Variants in SLIT2 observed in about 807,000 individuals in gnomAD.
SLIT2 encodes the protein slit guidance ligand 2.
A neutral mutation model predicts 185.7 loss-of-function variants in SLIT2; 41 were observed. The ratio of observed to expected loss-of-function variants is 0.22; its 90% CI spans 0.17 to 0.29. The LOEUF is 0.29. SLIT2 is among the 10% of genes least tolerant of loss of function. The probability of loss-of-function intolerance (pLI) is 1.00; values close to 1 mark genes in which losing one functional copy is unlikely to be tolerated. For missense variants in SLIT2, 1,571 were observed against 1,909.0 expected (o/e 0.82, Z 3.30); for synonymous variants, 693 against 680.2 (o/e 1.02, Z -0.29).
chr4:20,457,021 A>G (rs1420061909), intron 4 of SLIT2, among the ~76,000 whole-genome samples: 1 of 152,228 alleles, frequency 6.6e-6, no homozygotes, highest in Non-Finnish European at 1.5e-5. Flanking sequence ...TAATTTGCCA[A>G]AGTATTAGAT....
At chr4:20,274,742 G>GTT (rs35101905) in intron 4 of SLIT2, among the ~76,000 whole-genome samples, 5,873 of 144,672 alleles carry the variant, frequency 0.041, 166 homozygotes, top group Non-Finnish European at 0.063. Flanking sequence ...AAGTTTCTGT[G>GTT]TTTTTTTTTT....
At chr4:20,533,816 A>T in intron 18 of SLIT2, 101 bp downstream of exon 18, 1 of 933,456 alleles carries the variant, frequency 1.1e-6, no homozygotes, top group Non-Finnish European at 1.7e-6. Flanking sequence ...TACCCACCCC[A>T]CTCCCTCTAT....
chr4:20,610,121 G>C lies in SLIT2; in HGVS notation c.3801G>C (p.Leu1267Phe), dbSNP rs1256776420. 1.9e-6 allele frequency: 3 copies of C among 1,613,568 alleles called. No homozygotes were observed. Among genetic ancestry groups the C allele is most frequent in the Non-Finnish European group, 2.5e-6 (3 of 1,179,750 alleles). ...DGGNPKIITNLSKQSTLNFDS... is the reference protein window; with the variant it reads ...DGGNPKIITNFSKQSTLNFDS... ...GGAACCCCAAAATCATCACTAACTT[G>C]TCAAAGCAGTCCACTCTGAATTTTG... Residue 1267 changes from leucine to phenylalanine, a missense_variant, in exon 34 of 37, where the codon TTG (leucine) becomes TTC (phenylalanine). Transcript: ENST00000504154.
At chr4:20,569,708 T>C (rs1401411223) in intron 29 of SLIT2, among the ~76,000 whole-genome samples, 1 of 152,060 alleles carries the variant, frequency 6.6e-6, no homozygotes, top group Non-Finnish European at 1.5e-5. Context: ...TTTCCTTTAA[T>C]AAATTACTTA....
At chr4:20,266,666 G>A (rs1238106149) in intron 3 of SLIT2, among the ~76,000 whole-genome samples, 1 of 151,978 alleles carries the variant, frequency 6.6e-6, no homozygotes, top group African/African-American at 2.4e-5. Context: ...CTTACTAAGT[G>A]CCAGGGAAGA....
At chr4:20,453,008 T>TG (rs1712647545) in intron 4 of SLIT2, among the ~76,000 whole-genome samples, 1 of 152,232 alleles carries the variant, frequency 6.6e-6, no homozygotes, top group Non-Finnish European at 1.5e-5. Context: ...GAAATTATGA[T>TG]ATCATGAAAA....
intron 26 of SLIT2, among the ~76,000 whole-genome samples, chr4:20,558,743 AAT>A: frequency 6.6e-6 from 1 of 152,074 alleles, no homozygotes; most frequent in South Asian, 2.1e-4. Context: ...CATGAATGGA[AAT>A]ATGTTTCAGG....
intron 4 of SLIT2, among the ~76,000 whole-genome samples, chr4:20,344,635 C>T (rs1560336717): frequency 6.6e-6 from 1 of 152,124 alleles, no homozygotes; most frequent in African/African-American, 2.4e-5. Flanking sequence ...TGATTTGTAT[C>T]CTTTTTCTGT....
At chr4:20,293,510 G>A (rs750374935) in intron 4 of SLIT2, among the ~76,000 whole-genome samples, 1 of 152,168 alleles carries the variant, frequency 6.6e-6, no homozygotes. Flanking sequence ...TTCCCTCAGC[G>A]TTTTGTTTGA....
intron 4 of SLIT2, among the ~76,000 whole-genome samples, chr4:20,327,861 A>G (rs1287880408): frequency 6.6e-6 from 1 of 152,062 alleles, no homozygotes; most frequent in Admixed American, 6.6e-5. Flanking sequence ...TATTTCATAC[A>G]TGTTGGAAAT....
At chr4:20,384,661 A>G (rs1435026412) in intron 4 of SLIT2, among the ~76,000 whole-genome samples, 1 of 152,170 alleles carries the variant, frequency 6.6e-6, no homozygotes. Flanking sequence ...GCTTAATATT[A>G]TTTTAGAAAG....
chr4:20,352,741 C>A (rs1721986301), intron 4 of SLIT2, among the ~76,000 whole-genome samples: 2 of 152,042 alleles, frequency 1.3e-5, no homozygotes, highest in African/African-American at 2.4e-5. Flanking sequence ...GGTGAAATCC[C>A]ATCTCTACTG....
chr4:20,351,656 G>A (rs562977054), intron 4 of SLIT2, among the ~76,000 whole-genome samples: 1 of 152,216 alleles, frequency 6.6e-6, no homozygotes, highest in East Asian at 1.9e-4. Flanking sequence ...GGGGAAGCAG[G>A]GTCACATGGA....
chr4:20,524,890 C>G (rs924209983), intron 14 of SLIT2, among the ~76,000 whole-genome samples: 1 of 151,968 alleles, frequency 6.6e-6, no homozygotes, highest in African/African-American at 2.4e-5. Context: ...ACTATGCTAC[C>G]TAACTATTCC....
chr4:20,432,001 C>CTGTGTG (rs56154477), intron 4 of SLIT2, among the ~76,000 whole-genome samples: 31,001 of 150,764 alleles, frequency 0.21, 3,362 homozygotes, highest in Non-Finnish European at 0.26. Context: ...CTCTCACTCT[C>CTGTGTG]TGTGTGTGTG....
intron 4 of SLIT2, among the ~76,000 whole-genome samples, chr4:20,293,256 T>A (rs1428910770): frequency 2.0e-5 from 3 of 152,186 alleles, no homozygotes; most frequent in African/African-American, 7.2e-5. Flanking sequence ...GGTGATGTGA[T>A]TAAGATCATG....
intron 4 of SLIT2, among the ~76,000 whole-genome samples, chr4:20,424,063 GA>G (rs1377543642): frequency 8.5e-5 from 13 of 152,098 alleles, no homozygotes; most frequent in Non-Finnish European, 1.3e-4. Flanking sequence ...ATGTGTAAAT[GA>G]AACCATTTGT....
intron 6 of SLIT2, 141 bp from the exon 7 acceptor site, chr4:20,486,059 G>C (rs1210038108): frequency 3.2e-6 from 2 of 634,058 alleles, no homozygotes; most frequent in East Asian, 5.6e-5. Flanking sequence ...CTTGTCTATA[G>C]AGTAGTGCAT....
chr4:20,361,346 A>G (rs1451489922), intron 4 of SLIT2, among the ~76,000 whole-genome samples: 1 of 152,116 alleles, frequency 6.6e-6, no homozygotes, highest in African/African-American at 2.4e-5. Flanking sequence ...CCATCAATGA[A>G]CTTAATTTTT....
Sources: allele counts gnomAD v4.1 joint callset (sites outside exome capture counted in the v4.1 genomes callset), GRCh38; gene constraint gnomAD v4.1.1; transcripts MANE v1.5; gene names NCBI Gene and HGNC (gene_info 2026-07-23, HGNC 2026-07-21).